WDR38: variants seen among roughly 807,000 people sequenced by gnomAD.
WDR38 encodes WD repeat-containing protein 38.
A neutral mutation model predicts 36.6 loss-of-function variants in WDR38; 37 were observed. That is an observed-to-expected ratio of 1.01 (90% CI 0.78 to 1.33). The LOEUF (loss-of-function observed/expected upper bound fraction) is 1.33, where lower values mean the gene tolerates loss of function less well. Ranked by LOEUF, WDR38 falls within the 40% of genes most tolerant of loss-of-function variation. WDR38 has a pLI of 0.00. For synonymous variants in WDR38, 164 were observed against 168.1 expected, an observed-to-expected ratio of 0.98 and a Z score of 0.19; for missense variants, 411 against 414.6, an observed-to-expected ratio of 0.99 and a Z score of 0.07.
rs1308826375 is a variant in WDR38, at chr9:124,855,760, C to G, written c.307+10C>G. 6.2e-7 allele frequency: 1 copy of G among 1,613,012 alleles called. No individual in the cohort carries two copies. Among genetic ancestry groups the G allele is most frequent in the Non-Finnish European group, 8.5e-7 (1 of 1,180,044 alleles). On this transcript the variant is annotated intron_variant, in intron 3 of 8. Coordinates refer to ENST00000373574, the MANE Select transcript of WDR38 (RefSeq NM_001045476.3). ...CTGCGGGTCCTGAAGGGTGAGTGAG[C>G]TGGGAGCCAAGCAGCCAGGCCAGCG...
chr9:124,856,026 C>A, intron 4 of WDR38, 68 bp downstream of exon 4: 2 of 1,595,172 alleles, frequency 1.3e-6, no homozygotes, highest in Non-Finnish European at 1.7e-6. Flanking sequence ...TGTCACCAGT[C>A]TTGCCCTCCC....
chr9:124,854,191 T>G lies in WDR38; in HGVS notation c.70-14T>G. Reference sequence around the variant, plus strand: ...TTCTTCCCCAGAATGGGACCGCTTTTGTGCTGTTTCTAGGTCAACTCTTCT... The same window carrying G: ...TTCTTCCCCAGAATGGGACCGCTTTGGTGCTGTTTCTAGGTCAACTCTTCT... On this transcript the variant is annotated splice_polypyrimidine_tract_variant and intron_variant, in intron 1 of 8. Coordinates refer to ENST00000373574, the MANE Select transcript of WDR38 (RefSeq NM_001045476.3). 1.2e-6 allele frequency: 2 copies of G among 1,613,912 alleles called. No individual in the cohort carries two copies. Among genetic ancestry groups the G allele is most frequent in the South Asian group, 2.2e-5 (2 of 91,088 alleles).
chr9:124,854,301 C>CT lies in WDR38; in HGVS notation c.167dup (p.Trp57ValfsTer18). On this transcript the variant is annotated frameshift_variant, in exon 2 of 9. Coordinates refer to ENST00000373574, the MANE Select transcript of WDR38 (RefSeq NM_001045476.3). LOFTEE classifies it high-confidence loss of function. ...CTGGGAGACCCGGAGTGGGCAGCTGCTGTGGAGGCTGGGTGGCCACACAGG... is the reference window on the plus strand; with the variant it reads ...CTGGGAGACCCGGAGTGGGCAGCTGCTTGTGGAGGCTGGGTGGCCACACAGG... 6.2e-7 allele frequency: 1 copy of CT among 1,613,966 alleles called. No homozygotes were observed. The highest frequency in any genetic ancestry group is 8.5e-7 in the Non-Finnish European group (1 of 1,179,972).
intron 7 of WDR38, 96 bp from the exon 8 acceptor site, chr9:124,857,268 A>T: frequency 1.7e-4 from 248 of 1,420,458 alleles, no homozygotes; most frequent in Non-Finnish European, 2.2e-4. Flanking sequence ...TCAGGCGAAG[A>T]CTCATCTCAT....
rs757362542 is a variant in WDR38, at chr9:124,857,401, A to C, written c.806A>C (p.Glu269Ala). 16 of 1,614,038 alleles carry C rather than the reference A, an allele frequency of 9.9e-6. No individual in the cohort carries two copies. The highest frequency in any genetic ancestry group is 1.4e-5 in the Non-Finnish European group (16 of 1,180,034). Reference sequence around the variant, plus strand: ...GACTGCAACACAGGAAAGTGCCTTGAGACCCTGAAGGTAAGGCACGGCGCT... The same window carrying C: ...GACTGCAACACAGGAAAGTGCCTTGCGACCCTGAAGGTAAGGCACGGCGCT... ...VWDCNTGKCL[E>A]TLKGVLDVAH... Residue 269 changes from glutamate (E) to alanine (A), a missense_variant, in exon 8 of 9, where the codon GAG becomes GCG. Physicochemically the swap from Glu to Ala is moderately radical, Grantham distance 107. Coordinates refer to ENST00000373574, the MANE Select transcript of WDR38 (RefSeq NM_001045476.3).
chr9:124,855,150 CACT>C (rs1428575473), intron 2 of WDR38, among the ~76,000 whole-genome samples: 2 of 152,140 alleles, frequency 1.3e-5, no homozygotes, highest in Non-Finnish European at 1.5e-5. Flanking sequence ...TCGTGCTTAC[CACT>C]GTTTTGACTG....
rs776162778 is a variant in WDR38, at chr9:124,854,238, A to G, written c.103A>G (p.Met35Val). 6.8e-6 allele frequency: 11 copies of G among 1,614,180 alleles called. No individual in the cohort carries two copies. The highest frequency in any genetic ancestry group is 6.8e-6 in the Non-Finnish European group (8 of 1,180,022). Residue 35 changes from methionine to valine, a missense_variant, in exon 2 of 9, where the codon ATG (methionine) becomes GTG (valine). Transcript: ENST00000373574. The stretch of plus-strand genomic sequence containing the variant: ...TTCTGCCTTCTCCCCTGATGGCCAG[A>G]TGCTGCTCACAGGCTCAGAAGATGG... ...NSSAFSPDGQ[M>V]LLTGSEDGCV...
chr9:124,857,785 T>C lies in WDR38; in HGVS notation c.*155T>C. On this transcript the variant is annotated 3_prime_UTR_variant, in exon 9 of 9. Transcript: ENST00000373574. Reference sequence around the variant, plus strand: ...GCCCCACCAGAGCAGACAACTGTGGTGGGCAGGACGCTTGCTGGAACCCAT... The same window carrying C: ...GCCCCACCAGAGCAGACAACTGTGGCGGGCAGGACGCTTGCTGGAACCCAT... 6.6e-7 allele frequency: 1 copy of C among 1,505,632 alleles called. No homozygotes were observed. The highest frequency in any genetic ancestry group is 9.0e-7 in the Non-Finnish European group (1 of 1,114,574). 93.3% of individuals were successfully genotyped at this position (1,505,632 alleles called of 1,614,324 possible). A position where few individuals can be genotyped will look rare whatever the true frequency, so the allele number is the denominator to read the frequency against.
At chr9:124,853,935 C>A (rs907963876) in intron 1 of WDR38, among the ~76,000 whole-genome samples, 2 of 152,180 alleles carry the variant, frequency 1.3e-5, no homozygotes, top group Non-Finnish European at 2.9e-5. Flanking sequence ...ATTCTGGACT[C>A]TCCGTTGTCA....
intron 1 of WDR38, 75 bp from the exon 2 acceptor site, chr9:124,854,130 G>A: frequency 1.3e-6 from 2 of 1,592,342 alleles, no homozygotes; most frequent in Admixed American, 1.7e-5. Context: ...CTCTTGGGGG[G>A]CAGTGTTTAG....
Position 124,856,601 on chromosome 9 carries a change from G to T in WDR38, c.618+1G>T. On this transcript the variant is annotated splice_donor_variant, in intron 6 of 8. Transcript: ENST00000373574. LOFTEE classifies it high-confidence loss of function. ...GTGCTATTCAGCATCCGGCCTCCTGGTAAGTGGGGTGTCCTGGGTTCCAGG... is the reference window on the plus strand; with the variant it reads ...GTGCTATTCAGCATCCGGCCTCCTGTTAAGTGGGGTGTCCTGGGTTCCAGG... The T allele has an allele frequency of 4.3e-6, 7 of 1,613,836 alleles. No homozygotes were observed. Among genetic ancestry groups the T allele is most frequent in the Non-Finnish European group, 5.9e-6 (7 of 1,179,924 alleles).
chr9:124,857,025 C>T, intron 7 of WDR38, 144 bp downstream of exon 7: 1 of 1,240,146 alleles, frequency 8.1e-7, no homozygotes. Context: ...AGCCTCTCTT[C>T]CTAATGGCCA....
chr9:124,857,341 G>C, intron 7 of WDR38, 23 bp from the exon 8 acceptor site: 1 of 1,485,600 alleles, frequency 6.7e-7, no homozygotes, highest in South Asian at 1.1e-5. Context: ...GAGGCTTCCT[G>C]ACATGCCCCC....
chr9:124,856,276 G>C lies in WDR38; in HGVS notation c.442G>C (p.Asp148His). The part of the protein sequence containing the change: ...QMLRLLVGHR[D>H]SIQSSDFSPT... ...GCTGCGCCTCTTAGTTGGGCACCGTGACTCCATCCAGAGCAGCGACTTCTC... is the reference window on the plus strand; with the variant it reads ...GCTGCGCCTCTTAGTTGGGCACCGTCACTCCATCCAGAGCAGCGACTTCTC... The change falls in exon 5 of 9, where the codon GAC (aspartate) becomes CAC (histidine). Residue 148 changes from aspartate to histidine, a missense_variant. Asp to His is a moderately conservative substitution (Grantham distance 81). Transcript: ENST00000373574. 1 of 1,614,186 alleles carries C rather than the reference G, an allele frequency of 6.2e-7. No homozygotes were observed. The highest frequency in any genetic ancestry group is 8.5e-7 in the Non-Finnish European group (1 of 1,180,040).
Position 124,853,507 on chromosome 9 carries a change from C to A in WDR38, c.-25C>A. On this transcript the variant is annotated 5_prime_UTR_variant, in exon 1 of 9. Coordinates refer to ENST00000373574, the MANE Select transcript of WDR38 (RefSeq NM_001045476.3). The stretch of plus-strand genomic sequence containing the variant: ...CGCGGCCGCCTAGGAGGGAGCCCGC[C>A]GGGGCGGGGCGGGGCCGGGTGCCCA... 8.1e-7 allele frequency: 1 copy of A among 1,239,092 alleles called. No homozygotes were observed. The highest frequency in any genetic ancestry group is 1.6e-5 in the African/African-American group (1 of 64,462). 76.8% of individuals were successfully genotyped at this position (1,239,092 alleles called of 1,614,324 possible).
rs1312879176 is a variant in WDR38 at position 124,856,258 on chromosome 9, C to T, written c.424C>T (p.Leu142Phe). 2 of 1,614,098 alleles carry T rather than the reference C, an allele frequency of 1.2e-6. No individual in the cohort carries two copies. The highest frequency in any genetic ancestry group is 2.7e-5 in the African/African-American group (2 of 74,954). ...WDVQSGQMLR[L>F]LVGHRDSIQS... ...TCTCTAGTCCGGCCAGATGCTGCGC[C>T]TCTTAGTTGGGCACCGTGACTCCAT... is the stretch of plus-strand genomic sequence containing the variant. The change falls in exon 5 of 9, where the codon CTC (leucine) becomes TTC (phenylalanine). Residue 142 changes from leucine (L) to phenylalanine (F), a missense_variant. By Grantham distance (22) the Leu-to-Phe change is conservative. Coordinates refer to ENST00000373574, the MANE Select transcript of WDR38 (RefSeq NM_001045476.3).
rs558643988 is a variant in WDR38 at position 124,857,271 on chromosome 9, C to A, written c.769-93C>A. The A allele has an allele frequency of 5.1e-5, 77 of 1,516,396 alleles. 1 individual carries two copies. In the South Asian group the frequency reaches 7.4e-4, roughly 15 times the overall value. 93.9% of individuals were successfully genotyped at this position (1,516,396 alleles called of 1,614,324 possible). On this transcript the variant is annotated intron_variant, in intron 7 of 8. Coordinates refer to ENST00000373574, the MANE Select transcript of WDR38 (RefSeq NM_001045476.3). Reference sequence around the variant, plus strand: ...GAGGTCAGGAGTTCAGGCGAAGACTCATCTCATATTTTGTCTGGGACTTTC... The same window carrying A: ...GAGGTCAGGAGTTCAGGCGAAGACTAATCTCATATTTTGTCTGGGACTTTC...
chr9:124,857,494 C>T lies in WDR38; in HGVS notation c.817-8C>T. 2 of 1,614,188 alleles carry T rather than the reference C, an allele frequency of 1.2e-6. No homozygotes were observed. The highest frequency in any genetic ancestry group is 1.7e-6 in the Non-Finnish European group (2 of 1,180,032). ...CTTGCCTCGAGCCCCACCTTCTACT[C>T]TTAGCAGGGAGTCCTGGATGTGGCC... On this transcript the variant is annotated splice_polypyrimidine_tract_variant and splice_region_variant and intron_variant, in intron 8 of 8. Transcript: ENST00000373574.
At position 124,857,647 on chromosome 9, in the gene WDR38, T is replaced by C. The variant is rs1482689291; in HGVS notation, c.*17T>C. On this transcript the variant is annotated 3_prime_UTR_variant, in exon 9 of 9. Coordinates refer to ENST00000373574, the MANE Select transcript of WDR38 (RefSeq NM_001045476.3). ...CAAACCTAACACCAACCACCTTAGA[T>C]GGTGCCGACCTCACCCGCTCCCCTC... 3 of 1,613,258 alleles carry C rather than the reference T, an allele frequency of 1.9e-6. No homozygotes were observed.
Sources: gnomAD v4.1 joint callset for allele counts (sites outside exome capture counted in the v4.1 genomes callset) on GRCh38, gnomAD v4.1.1 for gene constraint, MANE v1.5 for transcripts, NCBI Gene and HGNC (gene_info 2026-07-23, HGNC 2026-07-21) for gene names.